SLC14A2: variants seen among roughly 807,000 people sequenced by gnomAD.
SLC14A2 encodes urea transporter 2.
In SLC14A2, 91 loss-of-function variants were observed where a neutral mutation model predicts 104.6. The observed-to-expected ratio is 0.87, with a 90% CI of 0.73 to 1.04. SLC14A2 has a LOEUF of 1.04. Ranked by LOEUF, SLC14A2 falls within the 50% of genes least tolerant of loss-of-function variation. SLC14A2 has a pLI of 0.00. For synonymous variants in SLC14A2, 476 were observed against 466.4 expected (o/e 1.02, Z -0.27); for missense variants, 1,189 against 1,156.0 (o/e 1.03, Z -0.41).
At position 45,521,597 on chromosome 18, in the gene SLC14A2, T is replaced by G. The variant is rs573247176; in HGVS notation, c.-35+38275T>G. Among the ~76,000 whole-genome samples, 3 of 152,164 alleles carry G rather than the reference T, an allele frequency of 2.0e-5. No homozygotes were observed. The South Asian group carries it at 6.2e-4, about 32-fold the overall frequency. On this transcript the variant is annotated intron_variant, in intron 2 of 20. Transcript: ENST00000586448. ...AGTAACCCTGTTTCCTTTTTCATTT[T>G]TTTTCTTTTTTAAATAAAATTACCT...
chr18:45,521,453 A>G (rs1014910536), intron 2 of SLC14A2, among the ~76,000 whole-genome samples: 4 of 152,206 alleles, frequency 2.6e-5, no homozygotes, highest in Non-Finnish European at 5.9e-5. Flanking sequence ...GATACAGCTC[A>G]GGGACCAGAG....
intron 1 of SLC14A2, among the ~76,000 whole-genome samples, chr18:45,220,576 C>T (rs1568106765): frequency 6.6e-6 from 1 of 152,192 alleles, no homozygotes; most frequent in Admixed American, 6.5e-5. Context: ...TTGTCACAGG[C>T]ATTGGGCCTT....
At chr18:45,534,163 G>C (rs990210046) in intron 2 of SLC14A2, among the ~76,000 whole-genome samples, 1 of 152,016 alleles carries the variant, frequency 6.6e-6, no homozygotes, top group African/African-American at 2.4e-5. Context: ...TTGGACGTGG[G>C]AGAGACCTAA....
chr18:45,621,015 G>C (rs770807495), intron 1 of SLC14A2, among the ~76,000 whole-genome samples: 1 of 152,104 alleles, frequency 6.6e-6, no homozygotes, highest in Non-Finnish European at 1.5e-5. Context: ...AGGCCTTTCC[G>C]GAACATATCT....
At chr18:45,465,855 A>G (rs1424237763) in intron 1 of SLC14A2, among the ~76,000 whole-genome samples, 2 of 152,160 alleles carry the variant, frequency 1.3e-5, no homozygotes, top group African/African-American at 4.8e-5. Flanking sequence ...TGCTAAGTAT[A>G]AAATGGAGAA....
chr18:45,420,324 T>C (rs1167199425), intron 1 of SLC14A2, among the ~76,000 whole-genome samples: 1 of 151,174 alleles, frequency 6.6e-6, no homozygotes, highest in African/African-American at 2.4e-5. Context: ...GGAAGTCATA[T>C]ACCATAACTT....
chr18:45,380,720 T>G (rs1050233666), intron 1 of SLC14A2, among the ~76,000 whole-genome samples: 3 of 152,134 alleles, frequency 2.0e-5, no homozygotes, highest in African/African-American at 7.2e-5. Flanking sequence ...TAGTTGGGGG[T>G]TTGTATACTT....
chr18:45,413,866 T>C (rs1458269555), intron 1 of SLC14A2, among the ~76,000 whole-genome samples: 2 of 152,180 alleles, frequency 1.3e-5, no homozygotes, highest in East Asian at 1.9e-4. Flanking sequence ...TAGTGCCTGC[T>C]TGTTAGGTGT....
At position 45,639,846 on chromosome 18, in the gene SLC14A2, T is replaced by C; in HGVS notation, c.944T>C (p.Leu315Pro). The change falls in exon 7 of 20, where the codon CTC (leucine) becomes CCC (proline). Residue 315 changes from leucine to proline, a missense_variant. Coordinates refer to ENST00000255226, the MANE Select transcript of SLC14A2 (RefSeq NM_007163.4). ...FLVALFISSPLICLHAAIGSI... is the reference protein window; with the variant it reads ...FLVALFISSPPICLHAAIGSI... The stretch of plus-strand genomic sequence containing the variant: ...GTGGCTCTGTTCATCTCCTCGCCAC[T>C]CATCTGCTTGCATGCAGCCATTGGC... The C allele has an allele frequency of 3.7e-6, 6 of 1,613,880 alleles. No homozygotes were observed. The highest frequency in any genetic ancestry group is 5.1e-6 in the Non-Finnish European group (6 of 1,179,994).
At chr18:45,513,709 G>C (rs1236014160) in intron 2 of SLC14A2, among the ~76,000 whole-genome samples, 1 of 152,168 alleles carries the variant, frequency 6.6e-6, no homozygotes, top group Non-Finnish European at 1.5e-5. Flanking sequence ...TTCTCAATAA[G>C]AGTTAGGGCT....
chr18:45,387,930 G>A (rs1693259194), intron 1 of SLC14A2, among the ~76,000 whole-genome samples: 1 of 152,070 alleles, frequency 6.6e-6, no homozygotes, highest in Non-Finnish European at 1.5e-5. Flanking sequence ...CATGAGGTCA[G>A]GTTATGTGCA....
chr18:45,248,251 C>T (rs766489065), intron 1 of SLC14A2, among the ~76,000 whole-genome samples: 1 of 152,108 alleles, frequency 6.6e-6, no homozygotes, highest in Non-Finnish European at 1.5e-5. Flanking sequence ...TCCTCCAACA[C>T]AGAAAAAAGT....
chr18:45,530,522 C>T (rs2043667025), intron 2 of SLC14A2, among the ~76,000 whole-genome samples: 1 of 152,000 alleles, frequency 6.6e-6, no homozygotes, highest in Non-Finnish European at 1.5e-5. Flanking sequence ...CTCTCATAAC[C>T]CACTTGCTAT....
chr18:45,589,908 T>C (rs1221852733), intron 2 of SLC14A2, among the ~76,000 whole-genome samples: 1 of 152,262 alleles, frequency 6.6e-6, no homozygotes, highest in East Asian at 1.9e-4. Flanking sequence ...AGCTTGCAAA[T>C]TTCTGTGTCT....
intron 2 of SLC14A2, among the ~76,000 whole-genome samples, chr18:45,545,244 T>C (rs1358529270): frequency 6.6e-6 from 1 of 152,248 alleles, no homozygotes; most frequent in African/African-American, 2.4e-5. Context: ...TTAAAGTCAA[T>C]ATTTTAAGCT....
the SLC14A2 span, among the ~76,000 whole-genome samples, chr18:45,196,690 A>G: frequency 6.6e-6 from 1 of 152,218 alleles, no homozygotes; most frequent in South Asian, 2.1e-4. Flanking sequence ...CCCAAGCCAG[A>G]AGAGTGAATT....
intron 1 of SLC14A2, among the ~76,000 whole-genome samples, chr18:45,277,431 T>G (rs2144133520): frequency 6.6e-6 from 1 of 152,336 alleles, no homozygotes; most frequent in South Asian, 2.1e-4. Flanking sequence ...TTTTTTCTTT[T>G]TTTTAGAAAC....
chr18:45,271,242 A>G (rs999583903), intron 1 of SLC14A2, among the ~76,000 whole-genome samples: 2 of 152,172 alleles, frequency 1.3e-5, no homozygotes, highest in African/African-American at 4.8e-5. Flanking sequence ...CCCCAAAGGA[A>G]ATGCCCTCTG....
At chr18:45,244,140 G>C (rs2084345948) in intron 1 of SLC14A2, among the ~76,000 whole-genome samples, 1 of 152,078 alleles carries the variant, frequency 6.6e-6, no homozygotes. Context: ...CGAGCCCCCT[G>C]GGCAGCCCAC....
Sources: gnomAD v4.1 joint callset for allele counts (sites outside exome capture counted in the v4.1 genomes callset) on GRCh38, gnomAD v4.1.1 for gene constraint, MANE v1.5 for transcripts, NCBI Gene and HGNC (gene_info 2026-07-23, HGNC 2026-07-21) for gene names.